Variants in CXorf58 observed in about 807,000 individuals in gnomAD.
CXorf58 encodes the protein chromosome X open reading frame 58.
CXorf58 carries 24 observed loss-of-function variants against 26.0 expected under a neutral mutation model. The observed-to-expected ratio is 0.92, with a 90% confidence interval of 0.67 to 1.30. The LOEUF is 1.30. Ranked by LOEUF, CXorf58 falls within the 50% of genes most tolerant of loss-of-function variation. The pLI is 0.00. For synonymous variants in CXorf58, 87 were observed against 86.1 expected, an observed-to-expected ratio of 1.01 and a Z score of -0.06; for missense variants, 236 against 263.9, an observed-to-expected ratio of 0.89 and a Z score of 0.73.
intron 5 of CXorf58, among the ~76,000 whole-genome samples, chrX:23,926,609 G>T (rs1364062621): frequency 8.9e-6 from 1 of 111,956 alleles, no homozygotes; most frequent in Non-Finnish European, 1.9e-5. Context: ...GATATTACAG[G>T]TTTGTTTTGC....
intron 6 of CXorf58, among the ~76,000 whole-genome samples, chrX:23,929,810 G>A (rs1263127216): frequency 8.9e-6 from 1 of 112,376 alleles, no homozygotes; most frequent in Non-Finnish European, 1.9e-5. Flanking sequence ...CAAAGGACAG[G>A]CTGAGTCTCT....
At chrX:23,931,127 A>G (rs1928158041) in intron 6 of CXorf58, among the ~76,000 whole-genome samples, 1 of 112,159 alleles carries the variant, frequency 8.9e-6, no homozygotes, top group Non-Finnish European at 1.9e-5. Flanking sequence ...TTCAGTGTGA[A>G]ACATGAAATT....
chrX:23,924,162 T>C (rs1324880202), intron 5 of CXorf58, among the ~76,000 whole-genome samples: 1 of 112,017 alleles, frequency 8.9e-6, no homozygotes, highest in East Asian at 2.8e-4. Flanking sequence ...GCAGAAATTA[T>C]ATGGTCTTCA....
At chrX:23,910,827 G>A (rs1361925910) in intron 2 of CXorf58, among the ~76,000 whole-genome samples, 1 of 94,504 alleles carries the variant, frequency 1.1e-5, no homozygotes, top group Non-Finnish European at 2.0e-5. Context: ...GTGCAGTGGT[G>A]CGATCTCGGC....
Position 23,927,307 on chromosome X carries a change from T to C in CXorf58, c.492T>C (p.Arg164=). 2 of 1,166,507 alleles carry C rather than the reference T, an allele frequency of 1.7e-6. No individual in the cohort carries two copies. The highest frequency in any genetic ancestry group is 2.3e-6 in the Non-Finnish European group (2 of 862,072). Residue 164 remains arginine (R), a synonymous_variant, in exon 6 of 9, where the codon CGT becomes CGC. Coordinates refer to ENST00000379211, the MANE Select transcript of CXorf58 (RefSeq NM_152761.3). ...KFHRIIMEDE[R]IFPKSKVTDI... is the part of the protein sequence containing the mutation. ...ACCGTATAATTATGGAAGATGAACG[T>C]ATTTTCCCGAAGTCCAAAGTAACTG...
intron 7 of CXorf58, among the ~76,000 whole-genome samples, chrX:23,936,357 C>T (rs1928296853): frequency 8.9e-6 from 1 of 111,927 alleles, no homozygotes; most frequent in Non-Finnish European, 1.9e-5. Context: ...GCTCCCCTTG[C>T]CTGAGATAAA....
chrX:23,918,920 C>T (rs1927795521), intron 5 of CXorf58, among the ~76,000 whole-genome samples: 1 of 112,297 alleles, frequency 8.9e-6, no homozygotes, highest in South Asian at 3.6e-4. Context: ...GTAAGGCTTC[C>T]AATGAGAAGT....
intron 5 of CXorf58, among the ~76,000 whole-genome samples, chrX:23,924,730 G>A (rs914957447): frequency 5.9e-4 from 64 of 109,262 alleles, no homozygotes; most frequent in Non-Finnish European, 9.3e-4. Flanking sequence ...CGAGTTGATG[G>A]GTGCAGCACA....
At chrX:23,914,776 T>C (rs2147065645) in intron 3 of CXorf58, among the ~76,000 whole-genome samples, 1 of 110,802 alleles carries the variant, frequency 9.0e-6, no homozygotes, top group South Asian at 3.9e-4. Context: ...TTCCAGCTAC[T>C]CAGGAGGCTG....
intron 2 of CXorf58, among the ~76,000 whole-genome samples, chrX:23,911,222 T>C (rs1002090229): frequency 9.0e-6 from 1 of 110,985 alleles, no homozygotes; most frequent in Non-Finnish European, 1.9e-5. Flanking sequence ...AGTGCTGGGA[T>C]ATGATCAAAA....
chrX:23,909,637 C>G (rs1170477191), intron 1 of CXorf58, among the ~76,000 whole-genome samples: 1 of 111,484 alleles, frequency 9.0e-6, no homozygotes, highest in African/African-American at 3.3e-5. Context: ...TGATAAAGAG[C>G]CCCTGGTTTA....
chrX:23,935,539 G>A, intron 7 of CXorf58, 114 bp downstream of exon 7: 1 of 536,328 alleles, frequency 1.9e-6, no homozygotes, highest in Non-Finnish European at 3.0e-6. Flanking sequence ...TAGGGTTGGG[G>A]CAGATTGCTC....
intron 5 of CXorf58, among the ~76,000 whole-genome samples, chrX:23,919,565 A>G (rs1927811961): frequency 8.9e-6 from 1 of 112,449 alleles, no homozygotes; most frequent in African/African-American, 3.2e-5. Flanking sequence ...CATGAACACA[A>G]AAACAGCTAT....
Position 23,911,804 on chromosome X carries a change from C to G in CXorf58, c.164C>G (p.Ser55Cys). The change falls in exon 3 of 9, where the codon TCT becomes TGT. Residue 55 changes from serine (S) to cysteine (C), a missense_variant. Physicochemically the swap from Ser to Cys is moderately radical, Grantham distance 112 (BLOSUM62 -1). Coordinates refer to ENST00000379211, the MANE Select transcript of CXorf58 (RefSeq NM_152761.3). The part of the protein sequence containing the change: ...SAQIIQRAWL[S>C]HTNKMIFRLL... ...CAAATAATACAGAGGGCTTGGTTAT[C>G]TCATACAAACAAAATGATATTTCGA... 8.3e-7 allele frequency: 1 copy of G among 1,204,122 alleles called. No homozygotes were observed. The highest frequency in any genetic ancestry group is 1.8e-5 in the South Asian group (1 of 55,978).
At chrX:23,937,212 G>C (rs1194055839) in intron 7 of CXorf58, among the ~76,000 whole-genome samples, 1 of 110,818 alleles carries the variant, frequency 9.0e-6, no homozygotes, top group Non-Finnish European at 1.9e-5. Flanking sequence ...TACCACTGTG[G>C]GTAACTGGAG....
chrX:23,934,015 G>A (rs1163715403), intron 6 of CXorf58, among the ~76,000 whole-genome samples: 1 of 106,811 alleles, frequency 9.4e-6, no homozygotes, highest in Non-Finnish European at 1.9e-5. Context: ...TGGGTGACAG[G>A]ATGAGACCCT....
At chrX:23,909,252 GA>G (rs1301991049) in intron 1 of CXorf58, among the ~76,000 whole-genome samples, 1 of 111,581 alleles carries the variant, frequency 9.0e-6, no homozygotes, top group Non-Finnish European at 1.9e-5. Context: ...TTGTATGGGG[GA>G]AAAAATGACA....
chrX:23,908,018 C>CGGAGGCGCGAGGAG lies in CXorf58; in HGVS notation c.-323_-310dup. 1 of 222,281 alleles carries CGGAGGCGCGAGGAG rather than the reference C, an allele frequency of 4.5e-6. No individual in the cohort carries two copies. Among genetic ancestry groups the CGGAGGCGCGAGGAG allele is most frequent in the Non-Finnish European group, 8.1e-6 (1 of 122,930 alleles). The allele number at this position is 222,281 out of a possible 1,213,427, so 18.3% of individuals were successfully genotyped here. A position where few individuals can be genotyped will look rare whatever the true frequency, so the allele number is the denominator to read the frequency against. On this transcript the variant is annotated 5_prime_UTR_variant, in exon 1 of 9. Coordinates refer to ENST00000379211, the MANE Select transcript of CXorf58 (RefSeq NM_152761.3). ...GCGCCGGCTCTGTGTGGACGGTACG[C>CGGAGGCGCGAGGAG]GGAGGCGCGAGGAGGGAGGCGCCTG...
intron 7 of CXorf58, among the ~76,000 whole-genome samples, chrX:23,936,984 C>CA: frequency 8.9e-6 from 1 of 111,956 alleles, no homozygotes; most frequent in Non-Finnish European, 1.9e-5. Flanking sequence ...ACTGAGTATC[C>CA]AAGAATAAGT....
Sources: allele counts gnomAD v4.1 joint callset (sites outside exome capture counted in the v4.1 genomes callset), GRCh38; gene constraint gnomAD v4.1.1; transcripts MANE v1.5; gene names NCBI Gene and HGNC (gene_info 2026-07-23, HGNC 2026-07-21).